The following TRIM14 variants were observed in gnomAD, a reference collection of about 807,000 sequenced individuals.
TRIM14 encodes the protein tripartite motif containing 14, also known as tripartite motif-containing protein 14.
TRIM14 carries 28 observed loss-of-function variants against 44.5 expected under a neutral mutation model. That is an observed-to-expected ratio of 0.63 (90% CI 0.47 to 0.86). The LOEUF (loss-of-function observed/expected upper bound fraction) is 0.86. Ranked by LOEUF, TRIM14 falls within the 40% of genes least tolerant of loss-of-function variation. TRIM14 has a pLI of 0.00. For synonymous variants in TRIM14, 299 were observed against 269.2 expected (o/e 1.11, Z -1.08); for missense variants, 607 against 611.1 (o/e 0.99, Z 0.07).
At chr9:98,116,084 G>A (rs1287661478) in intron 1 of TRIM14, 1 of 152,108 alleles carries the variant, frequency 6.6e-6, no homozygotes, top group Non-Finnish European at 1.5e-5. Context: ...CAGTTCACTT[G>A]AGGTCGGAGT....
chr9:98,062,906 TAA>T, the TRIM14 span, among the ~76,000 whole-genome samples: 2,126 of 151,648 alleles, frequency 0.014, 44 homozygotes, highest in African/African-American at 0.049. Flanking sequence ...AGTTTAAAAT[TAA>T]AAAAAGTTTC....
intron 2 of TRIM14, among the ~76,000 whole-genome samples, chr9:98,107,837 ATTT>A (rs35567100): frequency 6.7e-6 from 1 of 149,604 alleles, no homozygotes; most frequent in Non-Finnish European, 1.5e-5. Context: ...ATTTTTTTGT[ATTT>A]TTTTTTTAGT....
At chr9:98,063,911 A>G in the TRIM14 span, among the ~76,000 whole-genome samples, 2 of 151,928 alleles carry the variant, frequency 1.3e-5, no homozygotes, top group Non-Finnish European at 2.9e-5. Context: ...TTTCCTTAAG[A>G]TGGCTTCTTA....
the TRIM14 span, among the ~76,000 whole-genome samples, chr9:98,036,888 C>T: frequency 1.3e-5 from 2 of 152,190 alleles, no homozygotes; most frequent in East Asian, 1.9e-4. Flanking sequence ...CCCCTGGCCC[C>T]GTAGGACACA....
intron 3 of TRIM14, among the ~76,000 whole-genome samples, chr9:98,099,164 A>G (rs1434297921): frequency 6.6e-6 from 1 of 152,012 alleles, no homozygotes; most frequent in Non-Finnish European, 1.5e-5. Context: ...TTAAGACTAT[A>G]AAGGCAGGCT....
rs766896288 is a variant in TRIM14 at position 98,088,023 on chromosome 9, A to G, written c.794-18T>C. 4 of 1,493,776 alleles carry G rather than the reference A, an allele frequency of 2.7e-6. No homozygotes were observed. The highest frequency in any genetic ancestry group is 1.5e-5 in the African/African-American group (1 of 68,770). 92.5% of individuals were successfully genotyped at this position (1,493,776 alleles called of 1,614,324 possible). A position where few individuals can be genotyped will look rare whatever the true frequency, so the allele number is the denominator to read the frequency against. On this transcript the variant is annotated intron_variant, in intron 5 of 5. Transcript: ENST00000341469. ...GCGCGCGTCTGCAGGGGGCGAGACA[A>G]GGGACGCACCTGGTGGGCGGGGCCA...
the TRIM14 span, among the ~76,000 whole-genome samples, chr9:98,042,148 C>T: frequency 6.6e-6 from 1 of 151,398 alleles, no homozygotes. Context: ...AAAAAATTAG[C>T]CGGGCGTGGT....
At chr9:98,061,511 G>A in the TRIM14 span, among the ~76,000 whole-genome samples, 1 of 148,230 alleles carries the variant, frequency 6.7e-6, no homozygotes, top group African/African-American at 2.5e-5. Context: ...GCCAGGCGCG[G>A]TGTCTCACAC....
the TRIM14 span, among the ~76,000 whole-genome samples, chr9:98,037,519 C>T: frequency 6.6e-6 from 1 of 152,106 alleles, no homozygotes; most frequent in African/African-American, 2.4e-5. Context: ...CCAGGCAAGG[C>T]TCAGTGTGGG....
At chr9:98,053,252 A>C in the TRIM14 span, among the ~76,000 whole-genome samples, 3 of 152,242 alleles carry the variant, frequency 2.0e-5, no homozygotes, top group African/African-American at 4.8e-5. Context: ...TTAACTGCTC[A>C]AGATAATTTT....
intron 3 of TRIM14, among the ~76,000 whole-genome samples, chr9:98,097,518 G>A (rs1481032792): frequency 1.3e-5 from 2 of 152,128 alleles, no homozygotes; most frequent in African/African-American, 4.8e-5. Flanking sequence ...CCTTCTCCCA[G>A]CCAGAGAGTG....
At chr9:98,052,968 T>G in the TRIM14 span, among the ~76,000 whole-genome samples, 1 of 152,226 alleles carries the variant, frequency 6.6e-6, no homozygotes, top group South Asian at 2.1e-4. Context: ...GTTTTTGTTT[T>G]CGTTTTCTAA....
intron 2 of TRIM14, among the ~76,000 whole-genome samples, chr9:98,107,213 T>C (rs1378533403): frequency 6.6e-6 from 1 of 152,216 alleles, no homozygotes; most frequent in Non-Finnish European, 1.5e-5. Flanking sequence ...ACAACCACTC[T>C]GGAAAAGCGT....
At chr9:98,072,505 G>A (rs1829385606) in intron 6 of TRIM14, among the ~76,000 whole-genome samples, 2 of 151,592 alleles carry the variant, frequency 1.3e-5, no homozygotes, top group African/African-American at 2.4e-5. Context: ...TCCACCTCAC[G>A]GGTTCAAGCA....
chr9:98,052,545 T>G, the TRIM14 span, among the ~76,000 whole-genome samples: 12 of 152,348 alleles, frequency 7.9e-5, no homozygotes, highest in Admixed American at 7.2e-4. Flanking sequence ...TTTGCTCTTG[T>G]TGCCCAGGCT....
At chr9:98,056,273 CA>C in the TRIM14 span, among the ~76,000 whole-genome samples, 2 of 152,132 alleles carry the variant, frequency 1.3e-5, no homozygotes, top group African/African-American at 4.8e-5. Context: ...CAGAGAGAAA[CA>C]AAAATAACGC....
rs771353576 is a variant in TRIM14, at chr9:98,119,122, G to A, written c.67C>T (p.Arg23Cys). 22 of 1,586,326 alleles carry A rather than the reference G, an allele frequency of 1.4e-5. No individual in the cohort carries two copies. The highest frequency in any genetic ancestry group is 1.9e-5 in the Non-Finnish European group (22 of 1,175,984). Residue 23 changes from arginine to cysteine, a missense_variant, in exon 1 of 6, where the codon CGC (arginine) becomes TGC (cysteine). Physicochemically the swap from Arg to Cys is radical, Grantham distance 180. Coordinates refer to ENST00000341469, the MANE Select transcript of TRIM14 (RefSeq NM_014788.4). ...ACGCGGTCGCCATGCTCCGGGCAGCGCCAGCCGCATCCCTCGACAAGCTCC... is the reference window on the plus strand; with the variant it reads ...ACGCGGTCGCCATGCTCCGGGCAGCACCAGCCGCATCCCTCGACAAGCTCC... ...RSELVEGCGW[R>C]CPEHGDRVAE...
Position 98,088,073 on chromosome 9 carries a change from C to A in TRIM14, c.794-68G>T, listed in dbSNP as rs1055928282. The A allele has an allele frequency of 5.8e-6, 8 of 1,380,444 alleles. No homozygotes were observed. The African/African-American group carries it at 1.2e-4, about 21-fold the overall frequency. The allele number at this position is 1,380,444 out of a possible 1,614,324, so 85.5% of individuals were successfully genotyped here. A position where few individuals can be genotyped will look rare whatever the true frequency, so the allele number is the denominator to read the frequency against. On this transcript the variant is annotated intron_variant, in intron 5 of 5. Coordinates refer to ENST00000341469, the MANE Select transcript of TRIM14 (RefSeq NM_014788.4). ...AGCGCGGCGCCCCGCCCCCGGGAACCCACCAACGCACGTGCAAATCACAAA... is the reference window on the plus strand; with the variant it reads ...AGCGCGGCGCCCCGCCCCCGGGAACACACCAACGCACGTGCAAATCACAAA...
the TRIM14 span, among the ~76,000 whole-genome samples, chr9:98,051,688 A>G: frequency 6.6e-6 from 1 of 152,180 alleles, no homozygotes; most frequent in Non-Finnish European, 1.5e-5. Flanking sequence ...ATGTTCTAAC[A>G]AGCAGCCACA....
Sources: allele counts gnomAD v4.1 joint callset (sites outside exome capture counted in the v4.1 genomes callset), GRCh38; gene constraint gnomAD v4.1.1; transcripts MANE v1.5; gene names NCBI Gene and HGNC (gene_info 2026-07-23, HGNC 2026-07-21).